Variants in LIG3 observed in about 807,000 individuals in gnomAD.
LIG3 encodes DNA ligase 3.
LIG3 carries 58 observed loss-of-function variants against 110.9 expected under a neutral mutation model. The observed-to-expected ratio is 0.52, with a 90% CI of 0.42 to 0.65. LIG3 has a LOEUF of 0.65. Among genes scored for constraint, LIG3 ranks in the 30% least tolerant of loss-of-function variants. LIG3 has a pLI of 0.00. For missense variants in LIG3, 1,094 were observed against 1,273.8 expected (o/e 0.86, Z 2.15); for synonymous variants, 422 against 472.8 (o/e 0.89, Z 1.39).
intron 1 of LIG3, chr17:34,981,149 A>C (rs534418619): frequency 6.6e-6 from 1 of 152,444 alleles, no homozygotes; most frequent in South Asian, 2.1e-4. Context: ...GGGCTGCGGC[A>C]GTTGTGAGGG....
At chr17:34,981,361 A>G (rs1028678767) in intron 1 of LIG3, 1 of 151,586 alleles carries the variant, frequency 6.6e-6, no homozygotes, top group Non-Finnish European at 1.5e-5. Context: ...CACTTACCTC[A>G]CCTCTGTGGT....
At chr17:34,980,645 ACGGCGCGG>A (rs2090572613) in intron 1 of LIG3, 23 bp downstream of exon 1, 1 of 1,235,468 alleles carries the variant, frequency 8.1e-7, no homozygotes, top group Admixed American at 2.6e-5. Flanking sequence ...GCGGCGCGGC[ACGGCGCGG>A]CGGGGCCCGG....
At chr17:34,996,307 T>G in intron 10 of LIG3, 112 bp downstream of exon 10, 5 of 1,262,170 alleles carry the variant, frequency 4.0e-6, no homozygotes, top group South Asian at 2.9e-5. Flanking sequence ...GTGGCCCTTA[T>G]TCTTCGCTTC....
intron 12 of LIG3, 146 bp from the exon 13 acceptor site, chr17:34,998,073 A>G (rs2090798156): frequency 5.9e-6 from 4 of 678,832 alleles, no homozygotes; most frequent in Admixed American, 5.7e-5. Flanking sequence ...ATGAGAAGCA[A>G]CCTGCTTTCT....
rs979877466 is a variant in LIG3 at position 35,007,922 on chromosome 17, G to A, written c.*3416G>A. The A allele has an allele frequency of 5.9e-5, 9 of 152,154 alleles. No individual in the cohort carries two copies. Among genetic ancestry groups the A allele is most frequent in the African/African-American group, 2.2e-4 (9 of 41,414 alleles). 9.4% of individuals were successfully genotyped at this position (152,154 alleles called of 1,614,324 possible). ...TCGCAGCTAAGTTTTTGTATTTTTA[G>A]TAGAGACCACGTTTCGCCATGTTGT... On this transcript the variant is annotated 3_prime_UTR_variant, in exon 20 of 20. Coordinates refer to ENST00000378526, the MANE Select transcript of LIG3 (RefSeq NM_013975.4).
rs1312605243 is a variant in LIG3, at chr17:34,996,083, A to G, written c.1631A>G (p.Tyr544Cys). ...LPHKVAHFKD[Y>C]IPQAFPGGHS... ...TTTCAGGTGGCCCACTTTAAGGACT[A>G]CATTCCCCAGGCTTTTCCTGGGGGC... Residue 544 changes from tyrosine to cysteine, a missense_variant, in exon 10 of 20, where the codon TAC becomes TGC. By Grantham distance (194) the Tyr-to-Cys change is radical. Transcript: ENST00000378526. The G allele has an allele frequency of 5.6e-6, 9 of 1,613,968 alleles. No individual in the cohort carries two copies. Among genetic ancestry groups the G allele is most frequent in the Non-Finnish European group, 7.6e-6 (9 of 1,179,966 alleles).
intron 7 of LIG3, 33 bp downstream of exon 7, chr17:34,992,068 T>TCAATGCAAAA: frequency 8.8e-6 from 14 of 1,587,824 alleles, no homozygotes; most frequent in Non-Finnish European, 1.2e-5. Flanking sequence ...GCCTGAGCTG[T>TCAATGCAAAA]CATTTGTTAG....
chr17:34,988,170 G>A (rs1240181176), intron 3 of LIG3, among the ~76,000 whole-genome samples: 2 of 142,648 alleles, frequency 1.4e-5, no homozygotes, highest in African/African-American at 5.2e-5. Context: ...TCCAGCCTGG[G>A]CGACAGCGAG....
rs780131285 is a variant in LIG3 at position 34,999,394 on chromosome 17, A to C, written c.2201A>C (p.Asp734Ala). Residue 734 changes from aspartate to alanine, a missense_variant, in exon 15 of 20, where the codon GAT becomes GCT. By Grantham distance (126) the Asp-to-Ala change is moderately radical. Coordinates refer to ENST00000378526, the MANE Select transcript of LIG3 (RefSeq NM_013975.4). ...CTVTKCAGGH[D>A]DATLARLQNE... Reference sequence around the variant, plus strand: ...GTCACCAAGTGTGCAGGAGGCCATGATGATGCCACGCTTGCCCGCCTGCAG... The same window carrying C: ...GTCACCAAGTGTGCAGGAGGCCATGCTGATGCCACGCTTGCCCGCCTGCAG... The C allele has an allele frequency of 1.9e-6, 3 of 1,614,024 alleles. No individual in the cohort carries two copies. The African/African-American group carries it at 4.0e-5, about 22-fold the overall frequency.
At chr17:34,996,785 G>C (rs965919223) in intron 11 of LIG3, 132 bp downstream of exon 11, 17 of 750,252 alleles carry the variant, frequency 2.3e-5, no homozygotes, top group Non-Finnish European at 3.0e-5. Context: ...TTGTGCTCAG[G>C]AGCTTGCCAA....
intron 1 of LIG3, chr17:34,981,135 C>T (rs1412137696): frequency 6.6e-6 from 1 of 152,384 alleles, no homozygotes; most frequent in African/African-American, 2.4e-5. Flanking sequence ...CTTCTCGGGC[C>T]CCTGGGCTGC....
intron 16 of LIG3, 73 bp from the exon 17 acceptor site, chr17:35,001,184 G>C (rs1035676889): frequency 2.0e-6 from 3 of 1,524,884 alleles, no homozygotes; most frequent in African/African-American, 2.7e-5. Context: ...GGGATTACAG[G>C]CTTGAGCCAC....
At chr17:34,989,407 TTC>T (rs2090693059) in intron 3 of LIG3, 57 bp from the exon 4 acceptor site, 1 of 1,466,904 alleles carries the variant, frequency 6.8e-7, no homozygotes, top group African/African-American at 1.4e-5. Context: ...GTTTCCTTCC[TTC>T]CCTTTCTTTC....
intron 14 of LIG3, 92 bp from the exon 15 acceptor site, chr17:34,999,215 C>T: frequency 7.0e-7 from 1 of 1,428,340 alleles, no homozygotes; most frequent in Non-Finnish European, 9.5e-7. Context: ...ACTCTGACGG[C>T]CAGGACCCAA....
rs369010404 is a variant in LIG3 at position 34,998,293 on chromosome 17, G to A, written c.1986G>A (p.Val662=). ...EGLEGLVLKD[V]KGTYEPGKRH... ...TGGAGGGGCTGGTGCTGAAGGATGT[G>A]AAGGTAAAGTGGCCTCGCTTGGCTT... is the stretch of plus-strand genomic sequence containing the variant. Residue 662 remains valine, a synonymous_variant, in exon 13 of 20, where the codon GTG becomes GTA. Transcript: ENST00000378526. 4 of 1,612,688 alleles carry A rather than the reference G, an allele frequency of 2.5e-6. No individual in the cohort carries two copies. The highest frequency in any genetic ancestry group is 3.4e-6 in the Non-Finnish European group (4 of 1,179,382).
intron 8 of LIG3, among the ~76,000 whole-genome samples, chr17:34,993,721 T>C (rs185383688): frequency 1.4e-4 from 21 of 152,330 alleles, no homozygotes; most frequent in Non-Finnish European, 2.6e-4. Flanking sequence ...ACATCGGGGA[T>C]GAAATGAGAT....
Position 35,005,584 on chromosome 17 carries a change from T to A in LIG3, c.*1078T>A, listed in dbSNP as rs751042361. 9 of 578,908 alleles carry A rather than the reference T, an allele frequency of 1.6e-5. No homozygotes were observed. The African/African-American group carries it at 1.7e-4, about 11-fold the overall frequency. The allele number at this position is 578,908 out of a possible 1,614,324, so 35.9% of individuals were successfully genotyped here. On this transcript the variant is annotated 3_prime_UTR_variant, in exon 20 of 20. Coordinates refer to ENST00000378526, the MANE Select transcript of LIG3 (RefSeq NM_013975.4). ...CAGCTTCCTGTTTACAATGGGAGGTTTAGGTTTCATAATGCTGGACCAGTC... is the reference window on the plus strand; with the variant it reads ...CAGCTTCCTGTTTACAATGGGAGGTATAGGTTTCATAATGCTGGACCAGTC...
chr17:34,986,131 G>T lies in LIG3; in HGVS notation c.691G>T (p.Ala231Ser). Reference sequence around the variant, plus strand: ...TCCCCGGAAATTTTCTGGCTTTTCAGGTAAGATAGGTTAGGGCTACTTTAG... The same window carrying T: ...TCCCCGGAAATTTTCTGGCTTTTCATGTAAGATAGGTTAGGGCTACTTTAG... ...TNPRKFSGFS[A>S]KPNNSGEAPS... Residue 231 changes from alanine to serine, a missense_variant and splice_region_variant, in exon 3 of 20, where the codon GCC (alanine) becomes TCC (serine). Transcript: ENST00000378526. 6.2e-7 allele frequency: 1 copy of T among 1,613,892 alleles called. No homozygotes were observed. The highest frequency in any genetic ancestry group is 8.5e-7 in the Non-Finnish European group (1 of 1,179,868).
intron 10 of LIG3, 102 bp downstream of exon 10, chr17:34,996,297 G>GTGGCCCT: frequency 1.5e-6 from 2 of 1,337,474 alleles, no homozygotes; most frequent in Non-Finnish European, 2.1e-6. Flanking sequence ...ATCCCTTAGT[G>GTGGCCCT]TGGCCCTTAT....
Sources: gnomAD v4.1 joint callset for allele counts (sites outside exome capture counted in the v4.1 genomes callset) on GRCh38, gnomAD v4.1.1 for gene constraint, MANE v1.5 for transcripts, NCBI Gene and HGNC (gene_info 2026-07-23, HGNC 2026-07-21) for gene names.